Variants in ARHGEF28 observed in about 807,000 individuals in gnomAD.
ARHGEF28 encodes the protein 190 kDa guanine nucleotide exchange factor.
Under a neutral mutation model 206.6 loss-of-function variants are expected in ARHGEF28, and 152 were observed. The ratio of observed to expected loss-of-function variants is 0.74; its 90% confidence interval spans 0.64 to 0.84. The LOEUF (loss-of-function observed/expected upper bound fraction) is 0.84, where lower values mean the gene tolerates loss of function less well. Ranked by LOEUF, ARHGEF28 falls within the 40% of genes least tolerant of loss-of-function variation. The pLI is 0.00. For missense variants in ARHGEF28, 2,028 were observed against 2,073.2 expected (o/e 0.98, Z 0.42); for synonymous variants, 763 against 776.4 (o/e 0.98, Z 0.29).
At chr5:73,937,265 A>AC (rs1334704689) in intron 35 of ARHGEF28, among the ~76,000 whole-genome samples, 8 of 152,032 alleles carry the variant, frequency 5.3e-5, no homozygotes, top group Non-Finnish European at 7.4e-5. Context: ...ACTAACTTAG[A>AC]CCCCCCACGG....
At chr5:73,931,505 TTTG>T (rs1764118348) in intron 35 of ARHGEF28, among the ~76,000 whole-genome samples, 1 of 152,174 alleles carries the variant, frequency 6.6e-6, no homozygotes, top group Admixed American at 6.5e-5. Context: ...GATTTTTCTG[TTTG>T]TTTCATTTTC....
At chr5:73,669,196 C>G (rs564038743) in intron 1 of ARHGEF28, among the ~76,000 whole-genome samples, 31 of 152,244 alleles carry the variant, frequency 2.0e-4, no homozygotes, top group African/African-American at 7.5e-4. Context: ...ATAATCCAAA[C>G]AACATGTCAC....
intron 2 of ARHGEF28, among the ~76,000 whole-genome samples, chr5:73,717,585 TTTTA>T (rs765336152): frequency 7.2e-5 from 11 of 152,226 alleles, no homozygotes; most frequent in Non-Finnish European, 1.2e-4. Context: ...GTGGTTGTGT[TTTTA>T]TTTGTTACTG....
chr5:73,901,362 G>C, intron 31 of ARHGEF28, 78 bp downstream of exon 31: 1 of 1,164,416 alleles, frequency 8.6e-7, no homozygotes, highest in Non-Finnish European at 1.2e-6. Context: ...GGTCTGTCAC[G>C]GCAGTCAGTG....
intron 7 of ARHGEF28, among the ~76,000 whole-genome samples, chr5:73,791,637 T>C (rs1754488313): frequency 8.1e-6 from 1 of 123,762 alleles, no homozygotes; most frequent in African/African-American, 3.3e-5. Flanking sequence ...GTAAGACATG[T>C]GCATAGAGGT....
At chr5:73,873,764 T>G (rs781286296) in intron 22 of ARHGEF28, among the ~76,000 whole-genome samples, 4 of 152,234 alleles carry the variant, frequency 2.6e-5, no homozygotes, top group Admixed American at 6.5e-5. Context: ...CACTGTTTAC[T>G]CATTCACTTG....
chr5:73,872,988 A>T lies in ARHGEF28; in HGVS notation c.2567-11A>T. 1 of 1,612,988 alleles carries T rather than the reference A, an allele frequency of 6.2e-7. No individual in the cohort carries two copies. On this transcript the variant is annotated splice_polypyrimidine_tract_variant and intron_variant, in intron 21 of 35. Transcript: ENST00000513042. Reference sequence around the variant, plus strand: ...GCTTGTTTAAGGCTTATGTGTGCTCACACATTTCAGAGCTAATGCAAACAG... The same window carrying T: ...GCTTGTTTAAGGCTTATGTGTGCTCTCACATTTCAGAGCTAATGCAAACAG...
At chr5:73,855,567 A>G (rs530651675) in intron 14 of ARHGEF28, among the ~76,000 whole-genome samples, 2 of 152,050 alleles carry the variant, frequency 1.3e-5, no homozygotes, top group South Asian at 4.2e-4. Flanking sequence ...CCCCATCTCT[A>G]CTAAAAATAT....
At chr5:73,828,708 C>CTCTTTCTCTTTCTTTCTCTCTG (rs1561435780) in intron 9 of ARHGEF28, among the ~76,000 whole-genome samples, 2 of 147,740 alleles carry the variant, frequency 1.4e-5, no homozygotes, top group Non-Finnish European at 3.0e-5. Flanking sequence ...TTCTCTCTGT[C>CTCTTTCTCTTTCTTTCTCTCTG]TCTTTCTCTT....
chr5:73,832,090 TG>T (rs1187066093), intron 9 of ARHGEF28, among the ~76,000 whole-genome samples: 1 of 152,200 alleles, frequency 6.6e-6, no homozygotes, highest in East Asian at 1.9e-4. Flanking sequence ...CCTCTAATGA[TG>T]GGGAAAATAA....
rs1763400339 is a variant in ARHGEF28 at position 73,919,497 on chromosome 5, A to G, written c.4948+7922A>G. ...TTTTAGAACCAGATATAAACACCCA[A>G]ATGTCAGATACTCTGACAACATGAC... On this transcript the variant is annotated intron_variant, in intron 35 of 35. Transcript: ENST00000513042. Among the ~76,000 whole-genome samples the G allele has an allele frequency of 2.0e-5, 3 of 152,348 alleles. No homozygotes were observed. In the South Asian group the frequency reaches 6.2e-4, roughly 32 times the overall value.
chr5:73,933,428 C>A (rs1361134500), intron 35 of ARHGEF28, among the ~76,000 whole-genome samples: 1 of 152,142 alleles, frequency 6.6e-6, no homozygotes, highest in Non-Finnish European at 1.5e-5. Flanking sequence ...TCCATACATG[C>A]CCTAGCCAAT....
At chr5:73,702,382 A>G (rs144540813) in intron 2 of ARHGEF28, among the ~76,000 whole-genome samples, 35 of 152,286 alleles carry the variant, frequency 2.3e-4, no homozygotes, top group Middle Eastern at 3.4e-3. Flanking sequence ...GAACTTTTCC[A>G]TCTTCTCCAG....
intron 1 of ARHGEF28, among the ~76,000 whole-genome samples, chr5:73,670,556 G>A (rs554408998): frequency 2.8e-4 from 43 of 152,224 alleles, no homozygotes; most frequent in African/African-American, 9.6e-4. Flanking sequence ...TTGCATGTTC[G>A]GTTTTAAGAA....
intron 1 of ARHGEF28, among the ~76,000 whole-genome samples, chr5:73,635,880 A>C (rs1743685206): frequency 6.6e-6 from 1 of 152,216 alleles, no homozygotes; most frequent in Non-Finnish European, 1.5e-5. Context: ...CAATGCTTTA[A>C]TAGGGTTTTA....
intron 2 of ARHGEF28, among the ~76,000 whole-genome samples, chr5:73,687,989 C>T (rs1298282295): frequency 6.6e-6 from 1 of 152,006 alleles, no homozygotes; most frequent in Admixed American, 6.6e-5. Flanking sequence ...TTCAAGTAAT[C>T]CTACTTAGTT....
chr5:73,861,823 CT>C, intron 16 of ARHGEF28, among the ~76,000 whole-genome samples: 1 of 150,626 alleles, frequency 6.6e-6, no homozygotes, highest in South Asian at 2.1e-4. Flanking sequence ...TTACCCACAA[CT>C]TTTTTTAGAA....
chr5:73,790,237 A>G (rs994089762), intron 7 of ARHGEF28, among the ~76,000 whole-genome samples: 1 of 151,706 alleles, frequency 6.6e-6, no homozygotes, highest in Non-Finnish European at 1.5e-5. Context: ...TTCTATTAAG[A>G]CTCTGGCCAG....
intron 10 of ARHGEF28, among the ~76,000 whole-genome samples, chr5:73,837,389 T>C (rs1019230821): frequency 1.3e-5 from 2 of 152,176 alleles, no homozygotes; most frequent in Non-Finnish European, 2.9e-5. Context: ...ATTTATGTTT[T>C]ATAGTTTTCA....
Sources: gnomAD v4.1 joint callset for allele counts (sites outside exome capture counted in the v4.1 genomes callset) on GRCh38, gnomAD v4.1.1 for gene constraint, MANE v1.5 for transcripts, NCBI Gene and HGNC (gene_info 2026-07-23, HGNC 2026-07-21) for gene names.